Variants in IGHMBP2 observed in about 807,000 individuals in gnomAD.
The protein encoded by IGHMBP2 is immunoglobulin mu DNA binding protein 2.
IGHMBP2 carries 81 observed loss-of-function variants against 96.0 expected under a neutral mutation model. The ratio of observed to expected loss-of-function variants is 0.84; its 90% CI spans 0.71 to 1.01. The LOEUF (loss-of-function observed/expected upper bound fraction) is 1.01. Ranked by LOEUF, IGHMBP2 falls within the 50% of genes least tolerant of loss-of-function variation. The pLI, the probability that IGHMBP2 is intolerant of heterozygous loss-of-function variation, is 0.00. For missense variants in IGHMBP2, 1,227 were observed against 1,306.3 expected (o/e 0.94, Z 0.94); for synonymous variants, 557 against 548.9 (o/e 1.01, Z -0.21).
chr11:68,936,378 A>T lies in IGHMBP2; in HGVS notation c.1898A>T (p.His633Leu). The T allele has an allele frequency of 6.2e-7, 1 of 1,614,190 alleles. No individual in the cohort carries two copies. Among genetic ancestry groups the T allele is most frequent in the Non-Finnish European group, 8.5e-7 (1 of 1,180,040 alleles). ...LKTLVEYFTQ[H>L]GEVRTAFEYL... ...ACCCTGGTGGAGTATTTCACACAGC[A>T]TGGGGAAGTACGCACGGCCTTTGAG... is the stretch of plus-strand genomic sequence containing the variant. The change falls in exon 13 of 15, where the codon CAT (histidine) becomes CTT (leucine). Residue 633 changes from histidine to leucine, a missense_variant. By Grantham distance (99) the His-to-Leu change is moderately conservative. This residue lies in a region of IGHMBP2 where 703 missense variants were observed against 770.3 expected (regional missense o/e 0.91). Transcript: ENST00000255078.
rs761440964 is a variant in IGHMBP2, at chr11:68,908,281, G to T, written c.393G>T (p.Glu131Asp). The T allele has an allele frequency of 1.3e-5, 21 of 1,614,028 alleles. 1 individual carries two copies. Among genetic ancestry groups the T allele is most frequent in the Non-Finnish European group, 1.7e-5 (20 of 1,180,044 alleles). ...ATTTCCAGTTGAGCTTGGACCGAGA[G>T]AATTCCTACAGACTGTTAAAACTTG... ...SHDFQLSLDRENSYRLLKLAN... is the reference protein window; with the variant it reads ...SHDFQLSLDRDNSYRLLKLAN... Residue 131 changes from glutamate (E) to aspartate (D), a missense_variant, in exon 3 of 15, where the codon GAG (glutamate) becomes GAT (aspartate). This residue lies in a region of IGHMBP2 where 507 missense variants were observed against 496.9 expected (regional missense o/e 1.02). Transcript: ENST00000255078.
At chr11:68,932,268 C>G (rs780000016) in intron 8 of IGHMBP2, 3 of 152,314 alleles carry the variant, frequency 2.0e-5, no homozygotes, top group Non-Finnish European at 4.4e-5. Flanking sequence ...TGGTACTGAT[C>G]ATCGCGTCCT....
intron 1 of IGHMBP2, among the ~76,000 whole-genome samples, chr11:68,904,893 G>A (rs1327219379): frequency 6.7e-6 from 1 of 149,548 alleles, no homozygotes; most frequent in Non-Finnish European, 1.5e-5. Context: ...CCATCTCCCG[G>A]GTTCAAGCGA....
At chr11:68,938,134 G>A (rs746591406) in intron 13 of IGHMBP2, 48 bp from the exon 14 acceptor site, 104 of 1,599,768 alleles carry the variant, frequency 6.5e-5, no homozygotes, top group Non-Finnish European at 8.5e-5. Flanking sequence ...TAAATGAGGG[G>A]CCAGGTGTTG....
intron 7 of IGHMBP2, among the ~76,000 whole-genome samples, chr11:68,919,745 CTT>C (rs1210147970): frequency 6.6e-6 from 1 of 152,138 alleles, no homozygotes; most frequent in Non-Finnish European, 1.5e-5. Flanking sequence ...TTTGGAAACT[CTT>C]TTACTGGGGT....
chr11:68,937,851 G>A lies in IGHMBP2; in HGVS notation c.2612-331G>A, dbSNP rs1859611745. ...AGAGGAATTCACTCCCCAAACCTTT[G>A]TTGAGCAGCTACTGTATGCCACGCT... On this transcript the variant is annotated intron_variant, in intron 13 of 14. Coordinates refer to ENST00000255078, the MANE Select transcript of IGHMBP2 (RefSeq NM_002180.3). 1.8e-5 allele frequency: 6 copies of A among 341,710 alleles called. 1 individual carries two copies. The highest frequency in any genetic ancestry group is 1.6e-4 in the South Asian group (5 of 32,144). 21.2% of individuals were successfully genotyped at this position (341,710 alleles called of 1,614,324 possible). A position where few individuals can be genotyped will look rare whatever the true frequency, so the allele number is the denominator to read the frequency against.
chr11:68,918,136 T>A (rs1858739902), intron 7 of IGHMBP2, among the ~76,000 whole-genome samples: 1 of 152,144 alleles, frequency 6.6e-6, no homozygotes, highest in Non-Finnish European at 1.5e-5. Flanking sequence ...TTTCAAGAAG[T>A]TTGTCCATTT....
intron 7 of IGHMBP2, among the ~76,000 whole-genome samples, chr11:68,925,404 C>A (rs1409300693): frequency 6.6e-6 from 1 of 152,098 alleles, no homozygotes; most frequent in Admixed American, 6.5e-5. Flanking sequence ...CCACCTTGGC[C>A]TCCCAAAGTG....
At chr11:68,935,257 G>A in intron 11 of IGHMBP2, 42 bp from the exon 12 acceptor site, 2 of 1,611,656 alleles carry the variant, frequency 1.2e-6, no homozygotes, top group Non-Finnish European at 1.7e-6. Context: ...TGCTGCGCTG[G>A]CATGGGTGGG....
At chr11:68,933,979 G>GT in intron 10 of IGHMBP2, 66 bp downstream of exon 10, 1 of 1,177,640 alleles carries the variant, frequency 8.5e-7, no homozygotes, top group Non-Finnish European at 1.2e-6. Flanking sequence ...AAAAATAAAA[G>GT]GCACTTTAAT....
In IGHMBP2 at chr11:68,933,853, A is replaced by G. The variant is rs2154008651; in HGVS notation, c.1477A>G (p.Thr493Ala). ...ETGVPLLLVDTAGCGLFELEE... is the reference protein window; with the variant it reads ...ETGVPLLLVDAAGCGLFELEE... The stretch of plus-strand genomic sequence containing the variant: ...GGGTGTGCCCCTGCTCTTGGTGGAC[A>G]CCGCCGGCTGCGGGCTGTTTGAGCT... The change falls in exon 10 of 15, where the codon ACC (threonine) becomes GCC (alanine). Residue 493 changes from threonine (T) to alanine (A), a missense_variant. Thr to Ala is a moderately conservative substitution (Grantham distance 58). Transcript: ENST00000255078. 8.1e-6 allele frequency: 13 copies of G among 1,609,162 alleles called. No homozygotes were observed. The highest frequency in any genetic ancestry group is 1.1e-5 in the Non-Finnish European group (13 of 1,177,826).
intron 2 of IGHMBP2, chr11:68,906,490 T>C: frequency 2.0e-6 from 1 of 510,130 alleles, no homozygotes; most frequent in South Asian, 2.4e-5. Context: ...AGATACAGAA[T>C]ACACACCAAA....
At chr11:68,921,400 T>A (rs549038948) in intron 7 of IGHMBP2, among the ~76,000 whole-genome samples, 2 of 152,182 alleles carry the variant, frequency 1.3e-5, no homozygotes, top group Non-Finnish European at 2.9e-5. Flanking sequence ...TCCTGGCCTA[T>A]TTTTGTTTTT....
At position 68,933,357 on chromosome 11, in the gene IGHMBP2, G is replaced by T. The variant is rs116012780; in HGVS notation, c.1294G>T (p.Ala432Ser). Residue 432 changes from alanine (A) to serine (S), a missense_variant, in exon 9 of 15, where the codon GCG becomes TCG. Physicochemically the swap from Ala to Ser is moderately conservative, Grantham distance 99 (BLOSUM62 1). Around this residue, in one of 3 missense-constraint regions of IGHMBP2, gnomAD observed 703 missense variants for 770.3 expected, o/e 0.91. Transcript: ENST00000255078. ...LMERLAEEYG[A>S]RVVRTLTVQY... ...GGAACGCCTGGCTGAGGAGTACGGCGCGAGGGTGGTGCGGACACTGACGGT... is the reference window on the plus strand; with the variant it reads ...GGAACGCCTGGCTGAGGAGTACGGCTCGAGGGTGGTGCGGACACTGACGGT... 9.9e-6 allele frequency: 16 copies of T among 1,613,066 alleles called. No individual in the cohort carries two copies. The highest frequency in any genetic ancestry group is 1.3e-5 in the Non-Finnish European group (15 of 1,179,926).
chr11:68,913,352 C>T (rs1488673821), intron 5 of IGHMBP2, among the ~76,000 whole-genome samples: 1 of 152,088 alleles, frequency 6.6e-6, no homozygotes, highest in Non-Finnish European at 1.5e-5. Context: ...GGAGATATGC[C>T]TTTGGACATG....
chr11:68,937,980 G>C (rs754332338), intron 13 of IGHMBP2: 39 of 621,166 alleles, frequency 6.3e-5, no homozygotes, highest in South Asian at 1.1e-4. Context: ...AGAATTAATA[G>C]AGACGGGGTC....
chr11:68,936,876 C>A lies in IGHMBP2; in HGVS notation c.2396C>A (p.Thr799Asn). Residue 799 changes from threonine (T) to asparagine (N), a missense_variant, in exon 13 of 15, where the codon ACC becomes AAC. Physicochemically the swap from Thr to Asn is moderately conservative, Grantham distance 65. Coordinates refer to ENST00000255078, the MANE Select transcript of IGHMBP2 (RefSeq NM_002180.3). ...GCAGCCCTGGGACCCCCAGCAGGGA[C>A]CGGTGGCCCAGCCCCTCTCCAGCCA... is the stretch of plus-strand genomic sequence containing the variant. ...PRAALGPPAG[T>N]GGPAPLQPVP... 6.2e-7 allele frequency: 1 copy of A among 1,611,428 alleles called. No individual in the cohort carries two copies. The highest frequency in any genetic ancestry group is 8.5e-7 in the Non-Finnish European group (1 of 1,179,392).
At chr11:68,905,936 G>C (rs377177590) in intron 1 of IGHMBP2, 133 bp from the exon 2 acceptor site, 1 of 912,192 alleles carries the variant, frequency 1.1e-6, no homozygotes, top group Non-Finnish European at 1.8e-6. Context: ...GAGCCAATTC[G>C]GAGTTCCATT....
At position 68,940,000 on chromosome 11, in the gene IGHMBP2, A is replaced by C; in HGVS notation, c.*269A>C. 1 of 494,568 alleles carries C rather than the reference A, an allele frequency of 2.0e-6. No individual in the cohort carries two copies. Among genetic ancestry groups the C allele is most frequent in the Non-Finnish European group, 3.6e-6 (1 of 275,578 alleles). 30.6% of individuals were successfully genotyped at this position (494,568 alleles called of 1,614,324 possible). ...TCCCTTCCCCTTACTCCCCGCCAAA[A>C]CCCACATCCCAGCCTCTGGATCCTG... On this transcript the variant is annotated 3_prime_UTR_variant, in exon 15 of 15. Transcript: ENST00000255078.
Sources: gnomAD v4.1 joint callset for allele counts (sites outside exome capture counted in the v4.1 genomes callset) on GRCh38, gnomAD v4.1.1 for gene constraint, gnomAD v4.1.1 regional missense constraint, MANE v1.5 for transcripts, NCBI Gene and HGNC (gene_info 2026-07-23, HGNC 2026-07-21) for gene names.